IGF2BP3: variants seen among roughly 807,000 people sequenced by gnomAD.
IGF2BP3 encodes insulin like growth factor 2 mRNA binding protein 3.
In IGF2BP3, 9 loss-of-function variants were observed where a neutral mutation model predicts 73.8. The ratio of observed to expected loss-of-function variants is 0.12; its 90% CI spans 0.07 to 0.21. The LOEUF (loss-of-function observed/expected upper bound fraction) is 0.21, where lower values mean the gene tolerates loss of function less well. IGF2BP3 is among the 10% of genes least tolerant of loss of function. The probability of loss-of-function intolerance (pLI) is 1.00; values close to 1 mark genes in which losing one functional copy is unlikely to be tolerated. For missense variants in IGF2BP3, 542 were observed against 714.0 expected, an observed-to-expected ratio of 0.76 and a Z score of 2.75; for synonymous variants, 258 against 256.7, an observed-to-expected ratio of 1.01 and a Z score of -0.05.
At chr7:23,323,773 A>T (rs951328185) in intron 10 of IGF2BP3, among the ~76,000 whole-genome samples, 1 of 152,210 alleles carries the variant, frequency 6.6e-6, no homozygotes, top group Non-Finnish European at 1.5e-5. Context: ...AACTCACTCA[A>T]AACTGCTCAA....
At chr7:23,411,667 C>A (rs867459877) in intron 3 of IGF2BP3, among the ~76,000 whole-genome samples, 1 of 152,166 alleles carries the variant, frequency 6.6e-6, no homozygotes, top group Non-Finnish European at 1.5e-5. Context: ...CCTAACACAG[C>A]ATCAAAAACA....
At chr7:23,422,987 C>A (rs1787392805) in intron 2 of IGF2BP3, among the ~76,000 whole-genome samples, 2 of 152,206 alleles carry the variant, frequency 1.3e-5, no homozygotes, top group African/African-American at 4.8e-5. Context: ...GTTGGCCAGG[C>A]TGGTCTCAAA....
chr7:23,339,978 T>C (rs1238125136), intron 10 of IGF2BP3, among the ~76,000 whole-genome samples: 1 of 152,210 alleles, frequency 6.6e-6, no homozygotes, highest in African/African-American at 2.4e-5. Flanking sequence ...TTTAATTCTG[T>C]AGAAACTAGA....
intron 6 of IGF2BP3, 94 bp from the exon 7 acceptor site, chr7:23,347,828 C>A: frequency 7.0e-7 from 1 of 1,433,102 alleles, no homozygotes; most frequent in African/African-American, 1.4e-5. Context: ...CATAGGGCTT[C>A]AGGGCAAAGC....
chr7:23,396,712 A>C (rs1322886991), intron 3 of IGF2BP3, among the ~76,000 whole-genome samples: 1 of 152,170 alleles, frequency 6.6e-6, no homozygotes, highest in African/African-American at 2.4e-5. Context: ...GGGGAAAAAA[A>C]AGAGCAAATG....
rs376463808 is a variant in IGF2BP3, at chr7:23,378,081, C to T, written c.286-16340G>A. Among the ~76,000 whole-genome samples, 31 of 152,040 alleles carry T rather than the reference C, an allele frequency of 2.0e-4. 1 individual carries two copies. In the South Asian group the frequency reaches 6.2e-3, roughly 31 times the overall value. On this transcript the variant is annotated intron_variant, in intron 3 of 14. Coordinates refer to ENST00000258729, the MANE Select transcript of IGF2BP3 (RefSeq NM_006547.3). ...CTAAAAACCACTGAATTGTATGCTT[C>T]AGAAAGGTGAATTTTATGACATCAA...
At chr7:23,426,378 GA>G (rs972454465) in intron 2 of IGF2BP3, among the ~76,000 whole-genome samples, 14 of 129,562 alleles carry the variant, frequency 1.1e-4, no homozygotes, top group East Asian at 2.5e-4. Flanking sequence ...TGGTTGGGGG[GA>G]AAAAATTTAA....
Position 23,438,164 on chromosome 7 carries a change from G to C in IGF2BP3, c.237-19340C>G, listed in dbSNP as rs1787847771. Among the ~76,000 whole-genome samples the C allele has an allele frequency of 2.0e-5, 3 of 152,188 alleles. No homozygotes were observed. The South Asian group carries it at 6.2e-4, about 32-fold the overall frequency. On this transcript the variant is annotated intron_variant, in intron 2 of 14. Coordinates refer to ENST00000258729, the MANE Select transcript of IGF2BP3 (RefSeq NM_006547.3). Reference sequence around the variant, plus strand: ...AGACGGAGTCTCACTCTGTTGCCCAGGCTGAAGTGCAGTGCCACGATCTCG... The same window carrying C: ...AGACGGAGTCTCACTCTGTTGCCCACGCTGAAGTGCAGTGCCACGATCTCG...
chr7:23,318,736 T>C (rs145720918), intron 11 of IGF2BP3, among the ~76,000 whole-genome samples: 7 of 152,302 alleles, frequency 4.6e-5, no homozygotes, highest in African/African-American at 1.7e-4. Flanking sequence ...TATCCCACAG[T>C]AGCTAACAAG....
At chr7:23,420,573 T>C (rs1787317389) in intron 2 of IGF2BP3, among the ~76,000 whole-genome samples, 1 of 152,216 alleles carries the variant, frequency 6.6e-6, no homozygotes, top group Non-Finnish European at 1.5e-5. Context: ...TCCACAATTT[T>C]GAAGTATCTG....
chr7:23,449,851 C>G (rs1788156137), intron 2 of IGF2BP3, among the ~76,000 whole-genome samples: 1 of 152,060 alleles, frequency 6.6e-6, no homozygotes, highest in Non-Finnish European at 1.5e-5. Context: ...AGGCATGAGC[C>G]ATCACACCCA....
intron 2 of IGF2BP3, among the ~76,000 whole-genome samples, chr7:23,438,730 T>C (rs1449021130): frequency 1.3e-5 from 2 of 152,190 alleles, no homozygotes; most frequent in Non-Finnish European, 2.9e-5. Context: ...ATAAATTTAG[T>C]TATAATAACC....
intron 2 of IGF2BP3, among the ~76,000 whole-genome samples, chr7:23,448,262 G>C (rs1788111305): frequency 6.6e-6 from 1 of 152,202 alleles, no homozygotes; most frequent in East Asian, 1.9e-4. Flanking sequence ...CATTTCCTTA[G>C]GCACGACCTG....
At chr7:23,366,395 C>T (rs1013612739) in intron 3 of IGF2BP3, among the ~76,000 whole-genome samples, 2 of 152,078 alleles carry the variant, frequency 1.3e-5, no homozygotes, top group African/African-American at 4.8e-5. Flanking sequence ...ACCTTGGTCT[C>T]CCATAGTGAT....
At chr7:23,404,188 G>T (rs142020724) in intron 3 of IGF2BP3, among the ~76,000 whole-genome samples, 1 of 151,086 alleles carries the variant, frequency 6.6e-6, no homozygotes, top group East Asian at 1.9e-4. Flanking sequence ...GCTCATAATC[G>T]ACACAACCCA....
In IGF2BP3 at chr7:23,469,796, C is replaced by T. The variant is rs888535155; in HGVS notation, c.175+140G>A. 2 of 390,756 alleles carry T rather than the reference C, an allele frequency of 5.1e-6. No individual in the cohort carries two copies. The highest frequency in any genetic ancestry group is 8.6e-6 in the Non-Finnish European group (2 of 232,060). The allele number at this position is 390,756 out of a possible 1,614,324, so 24.2% of individuals were successfully genotyped here. A position where few individuals can be genotyped will look rare whatever the true frequency, so the allele number is the denominator to read the frequency against. Reference sequence around the variant, plus strand: ...GAGCTGAGGAGAGCCCCGGCCCCCACGCGCGTGGGTGTGGGCGCTCAGGCC... The same window carrying T: ...GAGCTGAGGAGAGCCCCGGCCCCCATGCGCGTGGGTGTGGGCGCTCAGGCC... On this transcript the variant is annotated intron_variant, in intron 1 of 14. Transcript: ENST00000258729. The surrounding 1 kb of genome is among the most constrained non-coding windows in gnomAD (Gnocchi z 6.1).
chr7:23,385,452 C>T (rs2128518987), intron 3 of IGF2BP3, among the ~76,000 whole-genome samples: 1 of 152,258 alleles, frequency 6.6e-6, no homozygotes, highest in East Asian at 1.9e-4. Flanking sequence ...ATAGCCTGGA[C>T]ATTAGAATTT....
At chr7:23,408,960 G>A (rs182078207) in intron 3 of IGF2BP3, among the ~76,000 whole-genome samples, 88 of 144,754 alleles carry the variant, frequency 6.1e-4, no homozygotes, top group African/African-American at 2.2e-3. Flanking sequence ...ATTTTTCCAC[G>A]GACAGAGAGT....
At chr7:23,313,353 T>C (rs1783885776) in intron 13 of IGF2BP3, among the ~76,000 whole-genome samples, 169 bp downstream of exon 13, 1 of 152,218 alleles carries the variant, frequency 6.6e-6, no homozygotes, top group Non-Finnish European at 1.5e-5. Flanking sequence ...CTTTCACTAA[T>C]AGCTGGCACC....
Sources: gnomAD v4.1 joint callset for allele counts (sites outside exome capture counted in the v4.1 genomes callset) on GRCh38, gnomAD v4.1.1 for gene constraint, Gnocchi (gnomAD v3.1) non-coding constraint, MANE v1.5 for transcripts, NCBI Gene and HGNC (gene_info 2026-07-23, HGNC 2026-07-21) for gene names.